EVL: variants seen among roughly 807,000 people sequenced by gnomAD.
EVL encodes the protein ena/VASP-like protein.
In EVL, 21 loss-of-function variants were observed where a neutral mutation model predicts 59.6. The observed-to-expected ratio is 0.35, with a 90% CI of 0.25 to 0.51. The LOEUF is 0.51. EVL is among the 20% of genes least tolerant of loss of function. EVL has a pLI of 0.97. For missense variants in EVL, 462 were observed against 546.6 expected (o/e 0.85, Z 1.54); for synonymous variants, 198 against 203.5 (o/e 0.97, Z 0.23).
At chr14:100,080,654 G>C (rs1183346870) in intron 1 of EVL, among the ~76,000 whole-genome samples, 1 of 152,218 alleles carries the variant, frequency 6.6e-6, no homozygotes, top group Non-Finnish European at 1.5e-5. Flanking sequence ...AAAATGACAG[G>C]GGAATTGGAC....
At chr14:100,017,950 C>T (rs946795411) in intron 1 of EVL, among the ~76,000 whole-genome samples, 4 of 152,212 alleles carry the variant, frequency 2.6e-5, no homozygotes, top group Admixed American at 6.5e-5. Context: ...AAGAGTGATA[C>T]ATTTGTCCCA....
At position 100,096,391 on chromosome 14, in the gene EVL, C is replaced by A. The variant is rs147116999; in HGVS notation, c.181-1090C>A. The stretch of plus-strand genomic sequence containing the variant: ...GCCTCATCCAGACTCTGCTTGCATA[C>A]TTCCATTCGTAGAGATCTTCATATT... On this transcript the variant is annotated intron_variant, in intron 2 of 13. Transcript: ENST00000392920. Among the ~76,000 whole-genome samples the A allele has an allele frequency of 1.6e-4, 24 of 152,348 alleles. No homozygotes were observed. In the East Asian group the frequency reaches 4.6e-3, roughly 29 times the overall value.
chr14:99,978,669 T>C (rs1024096803), intron 1 of EVL, among the ~76,000 whole-genome samples: 3 of 152,194 alleles, frequency 2.0e-5, no homozygotes, highest in Non-Finnish European at 4.4e-5. Flanking sequence ...TGTCAGTTGA[T>C]TTGATTTGAT....
At chr14:100,027,738 G>A (rs1196502225) in intron 1 of EVL, among the ~76,000 whole-genome samples, 1 of 152,086 alleles carries the variant, frequency 6.6e-6, no homozygotes, top group Non-Finnish European at 1.5e-5. Context: ...GCAGTGGCAT[G>A]ATCTCAGCTC....
chr14:100,011,534 G>A (rs2061016891), intron 1 of EVL, among the ~76,000 whole-genome samples: 1 of 152,150 alleles, frequency 6.6e-6, no homozygotes, highest in South Asian at 2.1e-4. Flanking sequence ...ATTTTTATGA[G>A]AGCTGTGTTT....
At chr14:100,008,873 T>G (rs924901491) in intron 1 of EVL, among the ~76,000 whole-genome samples, 8 of 152,102 alleles carry the variant, frequency 5.3e-5, no homozygotes, top group African/African-American at 1.9e-4. Context: ...TGAGATGAAA[T>G]GCAAATAGAA....
At chr14:100,029,696 G>A (rs765514558) in intron 1 of EVL, among the ~76,000 whole-genome samples, 2 of 152,124 alleles carry the variant, frequency 1.3e-5, no homozygotes, top group Non-Finnish European at 1.5e-5. Flanking sequence ...TATAGGATTG[G>A]GGTGGATGAA....
chr14:100,049,474 T>C lies in EVL; in HGVS notation c.6-35213T>C, dbSNP rs114754665. On this transcript the variant is annotated intron_variant, in intron 1 of 13. Coordinates refer to the EVL transcript ENST00000402714. ...GACAGCTGAAATAACTTGAGAATTA[T>C]CACCCTGGATGCAGTCCTTTATACT... is the stretch of plus-strand genomic sequence containing the variant. Among the ~76,000 whole-genome samples the C allele has an allele frequency of 6.2e-3, 950 of 152,296 alleles. 11 individuals carry two copies. Among genetic ancestry groups the C allele is most frequent in the African/African-American group, 0.021 (860 of 41,574 alleles).
chr14:100,001,431 GTCTC>G (rs979272481), intron 1 of EVL, among the ~76,000 whole-genome samples: 1 of 152,160 alleles, frequency 6.6e-6, no homozygotes, highest in Non-Finnish European at 1.5e-5. Flanking sequence ...AATAGAATTC[GTCTC>G]TCTCTCCAGT....
rs528708133 is a variant in EVL, at chr14:100,143,897, A to T, written c.*159A>T. ...CCTGTGATCACACATGACAGTGAGG[A>T]AACCAAGTGCAACTCCTGGGTTTTT... is the stretch of plus-strand genomic sequence containing the variant. On this transcript the variant is annotated 3_prime_UTR_variant, in exon 14 of 14. Coordinates refer to ENST00000392920, the MANE Select transcript of EVL (RefSeq NM_016337.3). 2.5e-6 allele frequency: 2 copies of T among 784,978 alleles called. No individual in the cohort carries two copies. Among genetic ancestry groups the T allele is most frequent in the East Asian group, 5.6e-5 (2 of 35,864 alleles). The allele number at this position is 784,978 out of a possible 1,614,324, so 48.6% of individuals were successfully genotyped here.
At chr14:100,056,593 C>A (rs1208962562) in intron 1 of EVL, among the ~76,000 whole-genome samples, 1 of 151,988 alleles carries the variant, frequency 6.6e-6, no homozygotes, top group African/African-American at 2.4e-5. Context: ...GTTATAATTT[C>A]CTCCTGGAAA....
At chr14:100,102,531 T>C in intron 3 of EVL, 1 of 371,530 alleles carries the variant, frequency 2.7e-6, no homozygotes, top group Non-Finnish European at 5.4e-6. Context: ...GTTTAGCTTC[T>C]AGAGCCATGT....
chr14:100,014,511 T>C (rs1247713957), intron 1 of EVL, among the ~76,000 whole-genome samples: 1 of 152,252 alleles, frequency 6.6e-6, no homozygotes, highest in Non-Finnish European at 1.5e-5. Context: ...ATGTACCACA[T>C]TTTCTTTATC....
At chr14:99,999,443 G>A (rs962765343) in intron 1 of EVL, among the ~76,000 whole-genome samples, 2 of 152,094 alleles carry the variant, frequency 1.3e-5, no homozygotes, top group African/African-American at 2.4e-5. Context: ...GATTAAATCC[G>A]CTGACACATA....
chr14:99,993,036 C>T (rs1316412397), intron 1 of EVL, among the ~76,000 whole-genome samples: 2 of 149,470 alleles, frequency 1.3e-5, no homozygotes, highest in African/African-American at 4.9e-5. Context: ...GCATTCCAGG[C>T]ATTGGTGGTG....
chr14:100,033,684 G>T (rs561953612), intron 1 of EVL, among the ~76,000 whole-genome samples: 2 of 152,188 alleles, frequency 1.3e-5, no homozygotes, highest in Non-Finnish European at 2.9e-5. Flanking sequence ...TACTTTATAT[G>T]CATAAGCATA....
intron 1 of EVL, among the ~76,000 whole-genome samples, chr14:99,978,705 A>G (rs979765944): frequency 2.0e-5 from 3 of 152,224 alleles, no homozygotes; most frequent in Admixed American, 6.5e-5. Flanking sequence ...TGGTTTACCT[A>G]TGATAACACT....
At chr14:100,045,205 T>C (rs2061529105) in intron 1 of EVL, among the ~76,000 whole-genome samples, 1 of 152,196 alleles carries the variant, frequency 6.6e-6, no homozygotes, top group Non-Finnish European at 1.5e-5. Context: ...AAAGAGTGTG[T>C]GATGTTTTCT....
upstream of EVL, among the ~76,000 whole-genome samples, chr14:100,062,401 T>A (rs2061852259): frequency 6.6e-6 from 1 of 151,760 alleles, no homozygotes; most frequent in African/African-American, 2.4e-5. Context: ...AAGTTAAGAA[T>A]GTATATTGTA....
Sources: allele counts gnomAD v4.1 joint callset (sites outside exome capture counted in the v4.1 genomes callset), GRCh38; gene constraint gnomAD v4.1.1; transcripts MANE v1.5; gene names NCBI Gene and HGNC (gene_info 2026-07-23, HGNC 2026-07-21).